Variants in CERS3 observed in about 807,000 individuals in gnomAD.
CERS3 encodes ceramide synthase 3.
A neutral mutation model predicts 50.3 loss-of-function variants in CERS3; 33 were observed. That is an observed-to-expected ratio of 0.66 (90% CI 0.50 to 0.88). CERS3 has a LOEUF of 0.88. Ranked by LOEUF, CERS3 falls within the 40% of genes least tolerant of loss-of-function variation. CERS3 has a pLI of 0.00. For synonymous variants in CERS3, 176 were observed against 155.2 expected, an observed-to-expected ratio of 1.13 and a Z score of -0.99; for missense variants, 470 against 460.3, an observed-to-expected ratio of 1.02 and a Z score of -0.19.
At chr15:100,478,981 A>G (rs989497446) in intron 7 of CERS3, among the ~76,000 whole-genome samples, 2 of 152,168 alleles carry the variant, frequency 1.3e-5, no homozygotes, top group Non-Finnish European at 2.9e-5. Flanking sequence ...GTGAGTGGAA[A>G]GAGGTAAGAA....
chr15:100,493,061 C>T (rs1020024963), intron 3 of CERS3, among the ~76,000 whole-genome samples: 3 of 152,052 alleles, frequency 2.0e-5, no homozygotes, highest in East Asian at 3.9e-4. Flanking sequence ...TTGTTTTATA[C>T]AATTGCCTTT....
At chr15:100,501,455 A>G (rs2035994021) in intron 3 of CERS3, among the ~76,000 whole-genome samples, 1 of 152,220 alleles carries the variant, frequency 6.6e-6, no homozygotes. Flanking sequence ...TATAAAACTA[A>G]AGCACTCAGT....
intron 4 of CERS3, among the ~76,000 whole-genome samples, chr15:100,489,725 G>T (rs2035593954): frequency 6.6e-6 from 1 of 152,184 alleles, no homozygotes; most frequent in South Asian, 2.1e-4. Flanking sequence ...TTAGATGAAT[G>T]ATGGCAGTCA....
chr15:100,442,943 G>T (rs905947110), intron 11 of CERS3, among the ~76,000 whole-genome samples: 9 of 148,966 alleles, frequency 6.0e-5, no homozygotes, highest in African/African-American at 2.2e-4. Context: ...GGGTATTGAC[G>T]GCCAGGCTTC....
chr15:100,425,486 G>T (rs984448508), intron 11 of CERS3, among the ~76,000 whole-genome samples: 17 of 150,018 alleles, frequency 1.1e-4, no homozygotes, highest in African/African-American at 3.9e-4. Flanking sequence ...ATGACCCCCT[G>T]CTGGGCTTCA....
At chr15:100,480,861 G>T (rs1354226912) in intron 5 of CERS3, among the ~76,000 whole-genome samples, 1 of 152,124 alleles carries the variant, frequency 6.6e-6, no homozygotes, top group East Asian at 1.9e-4. Flanking sequence ...TAGGCGAGAG[G>T]TGTAGTGGGG....
intron 4 of CERS3, among the ~76,000 whole-genome samples, chr15:100,485,970 A>G (rs2035471295): frequency 6.6e-6 from 1 of 152,234 alleles, no homozygotes; most frequent in Admixed American, 6.5e-5. Context: ...TTCAGTGCTG[A>G]GGAAAGAAGT....
rs147254436 is a variant in CERS3, at chr15:100,482,542, T to G, written c.407+2008A>C. On this transcript the variant is annotated intron_variant, in intron 5 of 11. Transcript: ENST00000679737. ...CTAAGGACTTGGTGTTCCTTCTTAT[T>G]GCTAGGTGGAAATCTGTATTTTAAA... Among the ~76,000 whole-genome samples, 38 of 152,212 alleles carry G rather than the reference T, an allele frequency of 2.5e-4. No individual in the cohort carries two copies. The East Asian group carries it at 7.3e-3, about 29-fold the overall frequency.
chr15:100,487,970 A>G (rs530823111), intron 4 of CERS3, among the ~76,000 whole-genome samples: 30 of 152,358 alleles, frequency 2.0e-4, no homozygotes, highest in Non-Finnish European at 3.4e-4. Flanking sequence ...GGGCTAGATA[A>G]TAAGTTCCAC....
At chr15:100,426,199 T>A (rs539804933) in intron 11 of CERS3, 9 of 152,276 alleles carry the variant, frequency 5.9e-5, no homozygotes, top group African/African-American at 1.9e-4. Flanking sequence ...AAATGTTGCA[T>A]AATAAAAAAA....
chr15:100,521,552 C>T (rs541921219), intron 2 of CERS3, 115 bp downstream of exon 2: 1 of 152,256 alleles, frequency 6.6e-6, no homozygotes, highest in South Asian at 2.1e-4. Flanking sequence ...CACTTGTCCC[C>T]AGAATATGCA....
At chr15:100,507,071 G>T (rs2036206746) in intron 2 of CERS3, among the ~76,000 whole-genome samples, 1 of 152,018 alleles carries the variant, frequency 6.6e-6, no homozygotes, top group Non-Finnish European at 1.5e-5. Flanking sequence ...CTTCATTTAT[G>T]GTGCTTAAGT....
At chr15:100,428,487 T>C (rs1390310477) in intron 11 of CERS3, among the ~76,000 whole-genome samples, 1 of 152,224 alleles carries the variant, frequency 6.6e-6, no homozygotes, top group Non-Finnish European at 1.5e-5. Context: ...GGCCAGGTGA[T>C]TCCGGGACCT....
intron 9 of CERS3, among the ~76,000 whole-genome samples, chr15:100,472,232 T>C (rs1318011705): frequency 6.6e-6 from 1 of 152,216 alleles, no homozygotes; most frequent in African/African-American, 2.4e-5. Flanking sequence ...GAACTGTTGC[T>C]CTAAATACAG....
chr15:100,503,499 A>G (rs2036072756), intron 2 of CERS3, among the ~76,000 whole-genome samples: 1 of 152,200 alleles, frequency 6.6e-6, no homozygotes, highest in South Asian at 2.1e-4. Context: ...GGACCCACTG[A>G]AGGGTATTAT....
At chr15:100,434,766 T>A (rs1459248962) in intron 11 of CERS3, among the ~76,000 whole-genome samples, 1 of 152,240 alleles carries the variant, frequency 6.6e-6, no homozygotes, top group East Asian at 1.9e-4. Flanking sequence ...GGCCACAAAC[T>A]GTGCCTGTGC....
At chr15:100,543,267 A>G (rs1034986576) in intron 1 of CERS3, among the ~76,000 whole-genome samples, 2 of 152,168 alleles carry the variant, frequency 1.3e-5, no homozygotes, top group African/African-American at 4.8e-5. Context: ...GGACCCTGGC[A>G]CTGGTTCTCT....
intron 10 of CERS3, among the ~76,000 whole-genome samples, chr15:100,461,106 G>A (rs760859244): frequency 2.9e-4 from 44 of 152,150 alleles, no homozygotes; most frequent in Non-Finnish European, 3.2e-4. Context: ...AGAGCAACAG[G>A]AAGCTTGGCT....
At chr15:100,525,227 A>G (rs1415215096) in intron 1 of CERS3, among the ~76,000 whole-genome samples, 1 of 152,198 alleles carries the variant, frequency 6.6e-6, no homozygotes, top group African/African-American at 2.4e-5. Flanking sequence ...TTTCCTAAAT[A>G]TTTAACTCAG....
Sources: allele counts gnomAD v4.1 joint callset (sites outside exome capture counted in the v4.1 genomes callset), GRCh38; gene constraint gnomAD v4.1.1; transcripts MANE v1.5; gene names NCBI Gene and HGNC (gene_info 2026-07-23, HGNC 2026-07-21).